The following SHLD2 variants were observed in gnomAD, a reference collection of about 807,000 sequenced individuals.
The protein encoded by SHLD2 is RINN1-REV7-interacting novel NHEJ regulator 2.
SHLD2 carries 30 observed loss-of-function variants against 73.2 expected under a neutral mutation model. The observed-to-expected ratio is 0.41, with a 90% CI of 0.31 to 0.56. The LOEUF (loss-of-function observed/expected upper bound fraction) is 0.56, where lower values mean the gene tolerates loss of function less well. SHLD2 is among the 20% of genes least tolerant of loss of function. The probability of loss-of-function intolerance (pLI) is 0.28; values close to 1 mark genes in which losing one functional copy is unlikely to be tolerated. For synonymous variants in SHLD2, 285 were observed against 370.1 expected, an observed-to-expected ratio of 0.77 and a Z score of 2.64; for missense variants, 745 against 1,055.9, an observed-to-expected ratio of 0.71 and a Z score of 4.08.
intron 2 of SHLD2, among the ~76,000 whole-genome samples, chr10:87,126,280 A>G (rs182199579): frequency 0.013 from 1,920 of 152,162 alleles, 31 homozygotes; most frequent in Middle Eastern, 0.071. Context: ...GAATTTTGCT[A>G]TGTCACCTAG....
intron 2 of SHLD2, among the ~76,000 whole-genome samples, chr10:87,131,892 A>T (rs2760425): frequency 2.0e-5 from 3 of 152,194 alleles, no homozygotes; most frequent in African/African-American, 7.2e-5. Flanking sequence ...CCATTAAAAA[A>T]TTTTTATTGT....
At chr10:87,184,908 A>G (rs1848522760) in intron 8 of SHLD2, among the ~76,000 whole-genome samples, 1 of 152,106 alleles carries the variant, frequency 6.6e-6, no homozygotes, top group African/African-American at 2.4e-5. Flanking sequence ...TTTCTAGAAA[A>G]CATTTTTACT....
Position 87,152,166 on chromosome 10 carries a change from A to T in SHLD2, c.812A>T (p.Asn271Ile). 6 of 1,609,596 alleles carry T rather than the reference A, an allele frequency of 3.7e-6. No individual in the cohort carries two copies. The highest frequency in any genetic ancestry group is 5.1e-6 in the Non-Finnish European group (6 of 1,178,506). ...RRSPVNKGNV[N>I]METEPKASYG... ...AGTCCTGTAAATAAAGGGAATGTAAACATGGAGACTGAACCAAAGGCAAGT... is the reference window on the plus strand; with the variant it reads ...AGTCCTGTAAATAAAGGGAATGTAATCATGGAGACTGAACCAAAGGCAAGT... The change falls in exon 3 of 10, where the codon AAC becomes ATC. Residue 271 changes from asparagine (N) to isoleucine (I), a missense_variant. Physicochemically the swap from Asn to Ile is moderately radical, Grantham distance 149 (BLOSUM62 -3). Around this residue, in one of 5 missense-constraint regions of SHLD2, gnomAD observed 280 missense variants for 353.9 expected, o/e 0.79. Coordinates refer to ENST00000298786, the MANE Select transcript of SHLD2 (RefSeq NM_001330112.2).
chr10:87,117,420 A>T (rs887501102), intron 2 of SHLD2, among the ~76,000 whole-genome samples: 4 of 152,216 alleles, frequency 2.6e-5, no homozygotes, highest in African/African-American at 9.6e-5. Context: ...TCAGTCTTAA[A>T]CAAAAAAGAA....
At chr10:87,165,939 T>C (rs1226733665) in intron 4 of SHLD2, among the ~76,000 whole-genome samples, 3 of 152,300 alleles carry the variant, frequency 2.0e-5, no homozygotes, top group Non-Finnish European at 4.4e-5. Flanking sequence ...AAAAGCTGTA[T>C]ACGATCATCT....
chr10:87,173,069 A>AGGAGAGACGAGG, intron 6 of SHLD2, among the ~76,000 whole-genome samples: 5 of 147,452 alleles, frequency 3.4e-5, no homozygotes, highest in African/African-American at 1.3e-4. Flanking sequence ...ACAGAGTTTC[A>AGGAGAGACGAGG]TTCTTGTCAC....
intron 2 of SHLD2, among the ~76,000 whole-genome samples, chr10:87,135,273 G>A (rs940960501): frequency 6.6e-6 from 1 of 151,416 alleles, no homozygotes; most frequent in Non-Finnish European, 1.5e-5. Flanking sequence ...AATGTTTTGG[G>A]ATCCCATTTA....
chr10:87,184,672 G>T (rs992367699), intron 8 of SHLD2, among the ~76,000 whole-genome samples: 1 of 151,978 alleles, frequency 6.6e-6, no homozygotes, highest in East Asian at 1.9e-4. Flanking sequence ...CCACTCCCCT[G>T]TCGTCCAGCA....
At chr10:87,147,700 T>G (rs1298990619) in intron 2 of SHLD2, among the ~76,000 whole-genome samples, 1 of 151,714 alleles carries the variant, frequency 6.6e-6, no homozygotes, top group Non-Finnish European at 1.5e-5. Context: ...TATATGACTT[T>G]TTTTCTGAAC....
intron 9 of SHLD2, among the ~76,000 whole-genome samples, chr10:87,188,017 A>G (rs2134779554): frequency 6.6e-6 from 1 of 151,780 alleles, no homozygotes; most frequent in Admixed American, 6.6e-5. Context: ...ATAGCCCTCC[A>G]CTCTGCACCT....
intron 2 of SHLD2, among the ~76,000 whole-genome samples, chr10:87,114,959 C>T (rs9421586): frequency 0.68 from 102,947 of 152,024 alleles, 35,508 homozygotes; most frequent in East Asian, 0.84. Flanking sequence ...TTTGGATAAA[C>T]TGAGTTTGTC....
At chr10:87,107,094 C>CCAA (rs369194245) in intron 2 of SHLD2, among the ~76,000 whole-genome samples, 6 of 110,524 alleles carry the variant, frequency 5.4e-5, no homozygotes, top group Admixed American at 5.3e-4. Flanking sequence ...CAATAATTGG[C>CCAA]AAAAAAAAAA....
chr10:87,147,044 G>A (rs1163463593), intron 2 of SHLD2, among the ~76,000 whole-genome samples: 2 of 125,888 alleles, frequency 1.6e-5, no homozygotes, highest in South Asian at 2.7e-4. Flanking sequence ...TGACAAAAGC[G>A]AGACTCTGTC....
chr10:87,184,874 G>A (rs533647467), intron 8 of SHLD2, among the ~76,000 whole-genome samples: 1 of 152,230 alleles, frequency 6.6e-6, no homozygotes, highest in South Asian at 2.1e-4. Flanking sequence ...TGTGCTTACT[G>A]TAATTTGTAG....
intron 4 of SHLD2, among the ~76,000 whole-genome samples, chr10:87,169,603 T>C (rs1261034501): frequency 6.6e-6 from 1 of 152,066 alleles, no homozygotes; most frequent in African/African-American, 2.4e-5. Context: ...AGTACTTAAG[T>C]GTTTATTGCC....
chr10:87,164,056 C>T (rs1198728042), intron 4 of SHLD2, among the ~76,000 whole-genome samples: 2 of 150,790 alleles, frequency 1.3e-5, no homozygotes, highest in East Asian at 1.9e-4. Flanking sequence ...CTCCTGGGTT[C>T]GAGCAATTCT....
At chr10:87,135,660 AT>A (rs71276300) in intron 2 of SHLD2, among the ~76,000 whole-genome samples, 40,318 of 133,550 alleles carry the variant, frequency 0.3, 6,359 homozygotes, top group East Asian at 0.6. Flanking sequence ...CACCTGGCTA[AT>A]TTTTTTTTTT....
Position 87,110,847 on chromosome 10 carries a change from A to AT in SHLD2, c.-6+13870dup, listed in dbSNP as rs909093567. ...GATAAATTGGACTTTATTAAAATTAATTTTTTTTTTTTGGTGAGATGGAGT... is the reference window on the plus strand; with the variant it reads ...GATAAATTGGACTTTATTAAAATTAATTTTTTTTTTTTTGGTGAGATGGAGT... On this transcript the variant is annotated intron_variant, in intron 2 of 9. Transcript: ENST00000298786. Among the ~76,000 whole-genome samples, 186 of 146,340 alleles carry AT rather than the reference A, an allele frequency of 1.3e-3. 1 individual carries two copies. The highest frequency in any genetic ancestry group is 2.0e-3 in the African/African-American group (82 of 40,254).
intron 2 of SHLD2, among the ~76,000 whole-genome samples, chr10:87,149,106 T>C (rs546169892): frequency 5.8e-4 from 88 of 151,942 alleles, no homozygotes; most frequent in African/African-American, 2.0e-3. Context: ...CAGGCTGGTC[T>C]CGGACTCCTG....
Sources: gnomAD v4.1 joint callset for allele counts (sites outside exome capture counted in the v4.1 genomes callset) on GRCh38, gnomAD v4.1.1 for gene constraint, gnomAD v4.1.1 regional missense constraint, MANE v1.5 for transcripts, NCBI Gene and HGNC (gene_info 2026-07-23, HGNC 2026-07-21) for gene names.